Variants in KBTBD11 observed in about 807,000 individuals in gnomAD.
KBTBD11 encodes the protein kelch repeat and BTB domain containing 11, also known as kelch repeat and BTB domain-containing protein 11.
For synonymous variants in KBTBD11, 747 were observed against 499.0 expected, an observed-to-expected ratio of 1.50 and a Z score of -6.63; for missense variants, 1,390 against 1,001.8, an observed-to-expected ratio of 1.39 and a Z score of -5.23.
At position 2,006,176 on chromosome 8, in the gene KBTBD11, TTC is replaced by T. The variant is rs1214288348; in HGVS notation, c.*3114_*3115del. The T allele has an allele frequency of 6.0e-6, 1 of 167,134 alleles. No individual in the cohort carries two copies. The highest frequency in any genetic ancestry group is 6.5e-5 in the Admixed American group (1 of 15,288). The allele number at this position is 167,134 out of a possible 1,614,324, so 10.4% of individuals were successfully genotyped here. On this transcript the variant is annotated 3_prime_UTR_variant, in exon 2 of 2. Coordinates refer to ENST00000320248, the MANE Select transcript of KBTBD11 (RefSeq NM_014867.3). ...GTAAGAAATTAATCATCTGCTCTGT[TTC>T]TGCTAATTTCTGGTGTCACTTCAGT... is the stretch of plus-strand genomic sequence containing the variant.
intron 1 of KBTBD11, among the ~76,000 whole-genome samples, chr8:1,978,344 C>T (rs1203746076): frequency 6.6e-6 from 1 of 152,234 alleles, no homozygotes; most frequent in African/African-American, 2.4e-5. Context: ...CACTCAGCAC[C>T]AGATGCGGAG....
chr8:2,002,156 C>A lies in KBTBD11; in HGVS notation c.964C>A (p.Arg322Ser). 1 of 1,189,390 alleles carries A rather than the reference C, an allele frequency of 8.4e-7. No homozygotes were observed. The highest frequency in any genetic ancestry group is 1.0e-6 in the Non-Finnish European group (1 of 963,298). The allele number at this position is 1,189,390 out of a possible 1,614,324, so 73.7% of individuals were successfully genotyped here. A position where few individuals can be genotyped will look rare whatever the true frequency, so the allele number is the denominator to read the frequency against. ...PQSPSGDADARGDAAVYCFHA... is the reference protein window; with the variant it reads ...PQSPSGDADASGDAAVYCFHA... The stretch of plus-strand genomic sequence containing the variant: ...GAGCCCCTCGGGGGACGCGGACGCG[C>A]GCGGGGACGCGGCCGTCTACTGCTT... The change falls in exon 2 of 2, where the codon CGC becomes AGC. Residue 322 changes from arginine (R) to serine (S), a missense_variant. By Grantham distance (110) the Arg-to-Ser change is moderately radical. Coordinates refer to ENST00000320248, the MANE Select transcript of KBTBD11 (RefSeq NM_014867.3). The surrounding 1 kb of genome is among the most constrained non-coding windows in gnomAD (Gnocchi z 4.1).
Position 2,002,159 on chromosome 8 carries a change from G to T in KBTBD11, c.967G>T (p.Gly323Trp). ...CCCCTCGGGGGACGCGGACGCGCGC[G>T]GGGACGCGGCCGTCTACTGCTTCCA... is the stretch of plus-strand genomic sequence containing the variant. Reference protein sequence around the residue: ...QSPSGDADARGDAAVYCFHAA... With the variant: ...QSPSGDADARWDAAVYCFHAA... Residue 323 changes from glycine to tryptophan, a missense_variant, in exon 2 of 2, where the codon GGG (glycine) becomes TGG (tryptophan). Physicochemically the swap from Gly to Trp is radical, Grantham distance 184. Transcript: ENST00000320248. This position sits in a 1 kb window ranked among gnomAD's most constrained non-coding sequence, Gnocchi z 4.1. The T allele has an allele frequency of 8.4e-7, 1 of 1,193,964 alleles. No homozygotes were observed. Among genetic ancestry groups the T allele is most frequent in the Admixed American group, 4.6e-5 (1 of 21,710 alleles). 74.0% of individuals were successfully genotyped at this position (1,193,964 alleles called of 1,614,324 possible). A position where few individuals can be genotyped will look rare whatever the true frequency, so the allele number is the denominator to read the frequency against.
Position 1,981,615 on chromosome 8 carries a change from A to T in KBTBD11, c.-909+7680A>T, listed in dbSNP as rs147700417. 3.4e-3 allele frequency among the ~76,000 whole-genome samples: 522 copies of T among 152,288 alleles called. 7 individuals carry two copies. The highest frequency in any genetic ancestry group is 0.012 in the African/African-American group (489 of 41,568). ...TGGCATTTGAACCAGTGTGAGGAAG[A>T]TTTGCCCTCAGTACCGTCCAATTGT... On this transcript the variant is annotated intron_variant, in intron 1 of 1. Transcript: ENST00000320248.
chr8:2,004,574 A>G lies in KBTBD11; in HGVS notation c.*1510A>G, dbSNP rs975573193. 1 of 167,098 alleles carries G rather than the reference A, an allele frequency of 6.0e-6. No homozygotes were observed. Among genetic ancestry groups the G allele is most frequent in the Non-Finnish European group, 1.5e-5 (1 of 68,124 alleles). The allele number at this position is 167,098 out of a possible 1,614,324, so 10.4% of individuals were successfully genotyped here. On this transcript the variant is annotated 3_prime_UTR_variant, in exon 2 of 2. Coordinates refer to ENST00000320248, the MANE Select transcript of KBTBD11 (RefSeq NM_014867.3). ...GCTTTTTAAAGAGTCTGTGGTTATG[A>G]GAGGTCTCAGTTAAGTGTGTTTAGA...
chr8:1,974,243 GC>G (rs1299957845), intron 1 of KBTBD11: 1 of 951,462 alleles, frequency 1.1e-6, no homozygotes, highest in Non-Finnish European at 1.3e-6. Flanking sequence ...GGGCGTGGGG[GC>G]CTCCTCGCGG....
chr8:2,001,144 C>T lies in KBTBD11; in HGVS notation c.-49C>T. 1.5e-6 allele frequency: 2 copies of T among 1,293,844 alleles called. No homozygotes were observed. The highest frequency in any genetic ancestry group is 2.0e-6 in the Non-Finnish European group (2 of 1,021,742). 80.1% of individuals were successfully genotyped at this position (1,293,844 alleles called of 1,614,324 possible). ...TAAGGCTCGACCTTGGCCAGACCTGCAGGCTGCGGAACCGGGGGCGCGCGG... is the reference window on the plus strand; with the variant it reads ...TAAGGCTCGACCTTGGCCAGACCTGTAGGCTGCGGAACCGGGGGCGCGCGG... On this transcript the variant is annotated 5_prime_UTR_variant, in exon 2 of 2. Transcript: ENST00000320248.
chr8:1,996,216 C>T (rs977444700), intron 1 of KBTBD11, among the ~76,000 whole-genome samples: 7 of 152,178 alleles, frequency 4.6e-5, no homozygotes, highest in African/African-American at 1.7e-4. Context: ...CCCAGGGACG[C>T]TGTGGTCTAA....
At chr8:1,997,195 G>T (rs1817174148) in intron 1 of KBTBD11, among the ~76,000 whole-genome samples, 1 of 152,090 alleles carries the variant, frequency 6.6e-6, no homozygotes, top group Non-Finnish European at 1.5e-5. Flanking sequence ...GCTCCTCAGG[G>T]AGCCTCTTAG....
At chr8:1,985,738 A>T (rs1816689558) in intron 1 of KBTBD11, among the ~76,000 whole-genome samples, 1 of 152,256 alleles carries the variant, frequency 6.6e-6, no homozygotes, top group South Asian at 2.1e-4. Flanking sequence ...GGCTGCAGTG[A>T]GCCATGATTG....
chr8:1,990,543 G>T (rs79953721), intron 1 of KBTBD11, among the ~76,000 whole-genome samples: 1 of 28,082 alleles, frequency 3.6e-5, no homozygotes, highest in Admixed American at 3.3e-4. Context: ...TAGATGCTGC[G>T]GGGCCTTGGC....
At chr8:1,991,553 T>C (rs1256263471) in intron 1 of KBTBD11, among the ~76,000 whole-genome samples, 1 of 151,376 alleles carries the variant, frequency 6.6e-6, no homozygotes, top group Non-Finnish European at 1.5e-5. Context: ...CTGTGATCCA[T>C]GAGGGCAGGG....
rs148105946 is a variant in KBTBD11 at position 1,995,804 on chromosome 8, C to T, written c.-908-4481C>T. 3.3e-5 allele frequency among the ~76,000 whole-genome samples: 5 copies of T among 152,284 alleles called. No individual in the cohort carries two copies. The East Asian group carries it at 5.8e-4, about 18-fold the overall frequency. ...ATTTAGGAGGCCGAGGCAGGTGGAC[C>T]ATTTAAGCCCAGAAGTTCAGGACCA... On this transcript the variant is annotated intron_variant, in intron 1 of 1. Coordinates refer to ENST00000320248, the MANE Select transcript of KBTBD11 (RefSeq NM_014867.3).
chr8:1,996,229 G>A (rs1585750427), intron 1 of KBTBD11, among the ~76,000 whole-genome samples: 1 of 152,330 alleles, frequency 6.6e-6, no homozygotes, highest in East Asian at 1.9e-4. Context: ...TGGTCTAACA[G>A]GGTGTGGTGG....
intron 1 of KBTBD11, among the ~76,000 whole-genome samples, chr8:1,976,633 G>T (rs569183456): frequency 6.6e-6 from 1 of 152,068 alleles, no homozygotes; most frequent in South Asian, 2.1e-4. Context: ...AGTAAAGTCA[G>T]CCTAGTTCTC....
chr8:2,001,019 T>G lies in KBTBD11; in HGVS notation c.-174T>G. ...AAAGGCGAGGCGGGGGAGCAGCGTG[T>G]GAGATTCCCCCCTTCACACACACAA... On this transcript the variant is annotated 5_prime_UTR_variant, in exon 2 of 2. Coordinates refer to ENST00000320248, the MANE Select transcript of KBTBD11 (RefSeq NM_014867.3). 48 of 875,898 alleles carry G rather than the reference T, an allele frequency of 5.5e-5. No individual in the cohort carries two copies. The highest frequency in any genetic ancestry group is 1.1e-4 in the South Asian group (2 of 17,660). The allele number at this position is 875,898 out of a possible 1,614,324, so 54.3% of individuals were successfully genotyped here.
chr8:1,994,759 A>T (rs1817068824), intron 1 of KBTBD11, among the ~76,000 whole-genome samples: 1 of 152,110 alleles, frequency 6.6e-6, no homozygotes, highest in Non-Finnish European at 1.5e-5. Context: ...TGCCCTTCAT[A>T]AAAAACAAGC....
At chr8:1,990,055 A>C (rs1816854579) in intron 1 of KBTBD11, among the ~76,000 whole-genome samples, 2 of 149,290 alleles carry the variant, frequency 1.3e-5, no homozygotes, top group Non-Finnish European at 3.0e-5. Context: ...CTACAAACTT[A>C]GTATTTCTGT....
intron 1 of KBTBD11, among the ~76,000 whole-genome samples, chr8:1,983,650 G>A (rs770710893): frequency 2.6e-5 from 4 of 152,274 alleles, no homozygotes; most frequent in Non-Finnish European, 4.4e-5. Context: ...GTGCAAATAA[G>A]ACCATGAATG....
Sources: gnomAD v4.1 joint callset for allele counts (sites outside exome capture counted in the v4.1 genomes callset) on GRCh38, gnomAD v4.1.1 for gene constraint, Gnocchi (gnomAD v3.1) non-coding constraint, MANE v1.5 for transcripts, NCBI Gene and HGNC (gene_info 2026-07-23, HGNC 2026-07-21) for gene names.